TBC1D19: variants seen among roughly 807,000 people sequenced by gnomAD.
TBC1D19 encodes TBC1 domain family, member 19.
In TBC1D19, 60 loss-of-function variants were observed where a neutral mutation model predicts 89.0. That is an observed-to-expected ratio of 0.67 (90% CI 0.55 to 0.84). TBC1D19 has a LOEUF of 0.84. TBC1D19 is among the 40% of genes least tolerant of loss of function. The pLI, the probability that TBC1D19 is intolerant of heterozygous loss-of-function variation, is 0.00. For missense variants in TBC1D19, 500 were observed against 610.8 expected, an observed-to-expected ratio of 0.82 and a Z score of 1.91; for synonymous variants, 189 against 199.7, an observed-to-expected ratio of 0.95 and a Z score of 0.45.
chr4:26,717,539 A>C (rs947109564), intron 13 of TBC1D19, among the ~76,000 whole-genome samples: 1 of 152,032 alleles, frequency 6.6e-6, no homozygotes, highest in African/African-American at 2.4e-5. Flanking sequence ...TAACTGCGTG[A>C]TGCATCCCAG....
chr4:26,812,833 T>A, the TBC1D19 span, among the ~76,000 whole-genome samples: 483 of 46,930 alleles, frequency 0.01, 2 homozygotes, highest in Non-Finnish European at 0.015. This position sits in a 1 kb window ranked among gnomAD's most constrained non-coding sequence, Gnocchi z 4.2. Flanking sequence ...TATATATGTA[T>A]ATATATGTAT....
At chr4:26,789,908 C>T in the TBC1D19 span, among the ~76,000 whole-genome samples, 1 of 152,114 alleles carries the variant, frequency 6.6e-6, no homozygotes, top group South Asian at 2.1e-4. Flanking sequence ...GAATTAGAGG[C>T]CATTGTCTTA....
chr4:26,748,992 A>G (rs965834403), intron 19 of TBC1D19, among the ~76,000 whole-genome samples: 4 of 152,208 alleles, frequency 2.6e-5, no homozygotes, highest in African/African-American at 9.6e-5. Flanking sequence ...TTTATAAATG[A>G]AGTTAAAACC....
chr4:26,609,370 A>T, intron 1 of TBC1D19, among the ~76,000 whole-genome samples: 1 of 152,256 alleles, frequency 6.6e-6, no homozygotes, highest in East Asian at 1.9e-4. Flanking sequence ...TGAAAATTAC[A>T]TTGTAATCTG....
chr4:26,668,555 C>T (rs116550599), intron 9 of TBC1D19, among the ~76,000 whole-genome samples: 290 of 152,000 alleles, frequency 1.9e-3, no homozygotes, highest in African/African-American at 6.6e-3. Flanking sequence ...GCTGTTATTA[C>T]ATTTAAAGGG....
At chr4:26,583,182 T>A (rs1391826288), upstream of TBC1D19, among the ~76,000 whole-genome samples, 1 of 152,126 alleles carries the variant, frequency 6.6e-6, no homozygotes, top group Non-Finnish European at 1.5e-5. Context: ...TATTCTAATG[T>A]ATTTTTCACT....
chr4:26,650,764 C>T (rs534226949), intron 7 of TBC1D19, among the ~76,000 whole-genome samples: 10 of 152,120 alleles, frequency 6.6e-5, no homozygotes, highest in East Asian at 3.9e-4. Flanking sequence ...TTGCTTTTGG[C>T]GTTTTAGACA....
chr4:26,668,512 G>A (rs989034380), intron 9 of TBC1D19, among the ~76,000 whole-genome samples: 1 of 151,808 alleles, frequency 6.6e-6, no homozygotes, highest in African/African-American at 2.4e-5. Context: ...AAAAAATAGT[G>A]GTAAGTGACA....
chr4:26,650,563 TG>T (rs1172584474), intron 7 of TBC1D19, among the ~76,000 whole-genome samples: 1 of 152,238 alleles, frequency 6.6e-6, no homozygotes, highest in African/African-American at 2.4e-5. Context: ...TGGGGTTGAT[TG>T]TTTTTTTCTT....
intron 3 of TBC1D19, among the ~76,000 whole-genome samples, chr4:26,614,897 C>T (rs949207456): frequency 1.3e-5 from 2 of 152,070 alleles, no homozygotes; most frequent in Admixed American, 1.3e-4. Flanking sequence ...AGTCTAGTCT[C>T]GAACTCCTGA....
At chr4:26,603,742 A>T (rs1740780724) in intron 1 of TBC1D19, among the ~76,000 whole-genome samples, 2 of 152,376 alleles carry the variant, frequency 1.3e-5, no homozygotes, top group Non-Finnish European at 2.9e-5. Flanking sequence ...AAACAAAAAT[A>T]AGTTACTATA....
At chr4:26,752,834 AT>A (rs1230331234) in intron 19 of TBC1D19, among the ~76,000 whole-genome samples, 3 of 151,854 alleles carry the variant, frequency 2.0e-5, no homozygotes, top group Middle Eastern at 3.2e-3. Flanking sequence ...GCTGTTTTTA[AT>A]TTTTTTTAAG....
At chr4:26,826,840 G>A in the TBC1D19 span, among the ~76,000 whole-genome samples, 1 of 152,206 alleles carries the variant, frequency 6.6e-6, no homozygotes, top group Non-Finnish European at 1.5e-5. Context: ...ATGGAGGAAA[G>A]TGAAGTGCTA....
chr4:26,692,857 T>G (rs934722326), intron 13 of TBC1D19, among the ~76,000 whole-genome samples: 5 of 152,190 alleles, frequency 3.3e-5, no homozygotes, highest in Non-Finnish European at 5.9e-5. Context: ...CATGAGGACA[T>G]TGTTGAAAAC....
chr4:26,720,184 T>C, intron 15 of TBC1D19, 59 bp downstream of exon 15: 1 of 1,317,832 alleles, frequency 7.6e-7, no homozygotes, highest in Non-Finnish European at 1.1e-6. Flanking sequence ...ACTTTTATAA[T>C]CAAAATGTGA....
At chr4:26,613,102 C>T in intron 1 of TBC1D19, 67 bp from the exon 2 acceptor site, 1 of 1,135,144 alleles carries the variant, frequency 8.8e-7, no homozygotes, top group South Asian at 1.5e-5. Context: ...AATATCAACC[C>T]AAATGATTTA....
At position 26,753,715 on chromosome 4, in the gene TBC1D19, A is replaced by C. The variant is rs6851206; in HGVS notation, c.1436-105A>C. ...GGGGGTGTGGTCCGTTGTGTAAAGC[A>C]CTAGTTCTGAGTTTCCGTGCAGTGG... is the stretch of plus-strand genomic sequence containing the variant. On this transcript the variant is annotated intron_variant, in intron 19 of 20. Transcript: ENST00000264866. 1,583 of 1,174,086 alleles carry C rather than the reference A, an allele frequency of 1.3e-3. 16 individuals are homozygous for C. The African/African-American group carries it at 0.021, about 16-fold the overall frequency. The allele number at this position is 1,174,086 out of a possible 1,614,324, so 72.7% of individuals were successfully genotyped here.
chr4:26,650,485 G>A (rs1165304910), intron 7 of TBC1D19, among the ~76,000 whole-genome samples: 3 of 152,136 alleles, frequency 2.0e-5, no homozygotes, highest in Non-Finnish European at 2.9e-5. Flanking sequence ...ATTTTTTCAC[G>A]TGTCTTTTGG....
At chr4:26,852,152 C>T in the TBC1D19 span, among the ~76,000 whole-genome samples, 3 of 152,218 alleles carry the variant, frequency 2.0e-5, no homozygotes, top group Non-Finnish European at 4.4e-5. Context: ...TTCTCACAGT[C>T]TTCCACATCT....
Sources: gnomAD v4.1 joint callset for allele counts (sites outside exome capture counted in the v4.1 genomes callset) on GRCh38, gnomAD v4.1.1 for gene constraint, Gnocchi (gnomAD v3.1) non-coding constraint, MANE v1.5 for transcripts, NCBI Gene and HGNC (gene_info 2026-07-23, HGNC 2026-07-21) for gene names.